Variants in PDXDC1 observed in about 807,000 individuals in gnomAD.
PDXDC1 encodes the protein pyridoxal dependent decarboxylase domain containing 1.
PDXDC1 carries 42 observed loss-of-function variants against 100.1 expected under a neutral mutation model. The observed-to-expected ratio is 0.42, with a 90% CI of 0.33 to 0.54. PDXDC1 has a LOEUF of 0.54. Ranked by LOEUF, PDXDC1 falls within the 20% of genes least tolerant of loss-of-function variation. PDXDC1 has a pLI of 0.10. For synonymous variants in PDXDC1, 260 were observed against 371.7 expected, an observed-to-expected ratio of 0.70 and a Z score of 3.46; for missense variants, 636 against 979.2, an observed-to-expected ratio of 0.65 and a Z score of 4.68.
chr16:15,011,000 C>G (rs1336022532), intron 8 of PDXDC1, among the ~76,000 whole-genome samples: 2 of 152,280 alleles, frequency 1.3e-5, no homozygotes, highest in Admixed American at 6.5e-5. Context: ...TCAGTTCTTC[C>G]CAAACTAATC....
intron 12 of PDXDC1, among the ~76,000 whole-genome samples, chr16:15,020,990 A>ACACG (rs1314110250): frequency 6.6e-6 from 1 of 151,930 alleles, no homozygotes; most frequent in Non-Finnish European, 1.5e-5. Context: ...ACACACACAC[A>ACACG]CACACACACA....
intron 16 of PDXDC1, among the ~76,000 whole-genome samples, chr16:15,079,746 T>C (rs1472914934): frequency 6.6e-6 from 1 of 152,144 alleles, no homozygotes; most frequent in Admixed American, 6.5e-5. Flanking sequence ...GCACCCACCA[T>C]CATGCCTGGC....
chr16:15,029,276 C>T (rs1398877176), intron 15 of PDXDC1: 19 of 576,736 alleles, frequency 3.3e-5, no homozygotes, highest in African/African-American at 1.1e-4. Context: ...GCAGCACAGC[C>T]GGGAGCCCCA....
intron 16 of PDXDC1, among the ~76,000 whole-genome samples, chr16:15,129,149 G>A (rs918810304): frequency 8.6e-5 from 13 of 151,900 alleles, no homozygotes; most frequent in Non-Finnish European, 1.5e-4. Flanking sequence ...ACTGGGAAAT[G>A]AAGATAAAAG....
intron 16 of PDXDC1, among the ~76,000 whole-genome samples, chr16:15,052,049 A>G (rs2044313978): frequency 6.6e-6 from 1 of 151,370 alleles, no homozygotes. Context: ...CCTCATCCCT[A>G]TTTCCCAGTT....
chr16:14,975,518 G>T (rs1217111409), intron 1 of PDXDC1: 1 of 985,386 alleles, frequency 1.0e-6, no homozygotes, highest in East Asian at 1.1e-4. Flanking sequence ...CCGAGGTTCC[G>T]CGAGTGGCCG....
chr16:15,077,930 A>G (rs1235593933), intron 16 of PDXDC1, among the ~76,000 whole-genome samples: 1 of 152,232 alleles, frequency 6.6e-6, no homozygotes, highest in Admixed American at 6.5e-5. Context: ...ATCTCTATGC[A>G]CAAGACACTC....
chr16:14,984,287 C>A (rs1275447741), intron 1 of PDXDC1, among the ~76,000 whole-genome samples: 1 of 148,580 alleles, frequency 6.7e-6, no homozygotes, highest in Non-Finnish European at 1.5e-5. Context: ...GACCTCTTTA[C>A]CCACCCATCC....
intron 16 of PDXDC1, among the ~76,000 whole-genome samples, chr16:15,096,129 G>T (rs2046349062): frequency 6.6e-6 from 1 of 150,784 alleles, no homozygotes. Flanking sequence ...TTTTTTTTGA[G>T]ACAGAGTCTC....
intron 22 of PDXDC1, among the ~76,000 whole-genome samples, 171 bp downstream of exon 22, chr16:15,035,724 C>T (rs773854349): frequency 5.9e-5 from 9 of 152,136 alleles, no homozygotes; most frequent in Non-Finnish European, 1.2e-4. Flanking sequence ...AGAAATCCCA[C>T]GGTAGTGCGC....
downstream of PDXDC1, among the ~76,000 whole-genome samples, chr16:15,143,844 G>A (rs1012064580): frequency 6.6e-6 from 1 of 152,226 alleles, no homozygotes; most frequent in African/African-American, 2.4e-5. Flanking sequence ...ACCAGATGCT[G>A]AGTGGGGTCT....
chr16:15,006,610 A>G, intron 6 of PDXDC1, 27 bp downstream of exon 6: 1 of 1,502,972 alleles, frequency 6.7e-7, no homozygotes, highest in Non-Finnish European at 9.0e-7. Context: ...TGGCTATTTT[A>G]AAGAAATAAT....
At chr16:15,108,130 C>T (rs2046880503) in intron 16 of PDXDC1, 1 of 820,770 alleles carries the variant, frequency 1.2e-6, no homozygotes, top group Admixed American at 6.3e-5. Flanking sequence ...AACTGCAAAC[C>T]ATCCACCCTG....
chr16:15,040,651 G>A (rs1006164036), downstream of PDXDC1, among the ~76,000 whole-genome samples: 3 of 152,116 alleles, frequency 2.0e-5, no homozygotes, highest in African/African-American at 7.2e-5. Flanking sequence ...GAGGATTTCT[G>A]TTCTCAAGCA....
intron 16 of PDXDC1, chr16:15,047,791 A>C: frequency 7.4e-7 from 1 of 1,358,348 alleles, no homozygotes; most frequent in Non-Finnish European, 1.1e-6. Context: ...CAACACGAGA[A>C]ATTCAATGGT....
chr16:14,981,995 AT>A (rs1164458071), intron 1 of PDXDC1, among the ~76,000 whole-genome samples: 2 of 152,240 alleles, frequency 1.3e-5, no homozygotes, highest in African/African-American at 2.4e-5. Context: ...CGCCCAGCTA[AT>A]TTTTTGTATT....
At chr16:15,068,422 G>C in intron 16 of PDXDC1, 8 of 1,023,050 alleles carry the variant, frequency 7.8e-6, no homozygotes, top group Non-Finnish European at 1.1e-5. Flanking sequence ...GGTCCATGCA[G>C]ATAGTCACAC....
At chr16:15,145,662 C>G in the PDXDC1 span, among the ~76,000 whole-genome samples, 1 of 152,264 alleles carries the variant, frequency 6.6e-6, no homozygotes, top group African/African-American at 2.4e-5. Context: ...CCTGGGCACC[C>G]CGGCCCCTAG....
intron 16 of PDXDC1, chr16:15,083,450 T>A: frequency 6.3e-7 from 1 of 1,598,806 alleles, no homozygotes; most frequent in Non-Finnish European, 8.5e-7. Flanking sequence ...AGACCTAATA[T>A]CATCTAAAAT....
Sources: gnomAD v4.1 joint callset for allele counts (sites outside exome capture counted in the v4.1 genomes callset) on GRCh38, gnomAD v4.1.1 for gene constraint, MANE v1.5 for transcripts, NCBI Gene and HGNC (gene_info 2026-07-23, HGNC 2026-07-21) for gene names.